ATP7A: variants seen among roughly 807,000 people sequenced by gnomAD.
ATP7A encodes copper-transporting ATPase 1.
In ATP7A, 7 loss-of-function variants were observed where a neutral mutation model predicts 83.5. The observed-to-expected ratio is 0.08, with a 90% CI of 0.05 to 0.16. ATP7A has a LOEUF of 0.16. Ranked by LOEUF, ATP7A falls within the 10% of genes least tolerant of loss-of-function variation. The probability of loss-of-function intolerance (pLI) is 1.00; values close to 1 mark genes in which losing one functional copy is unlikely to be tolerated. For synonymous variants in ATP7A, 354 were observed against 395.2 expected, an observed-to-expected ratio of 0.90 and a Z score of 1.24; for missense variants, 940 against 1,120.8, an observed-to-expected ratio of 0.84 and a Z score of 2.30.
Position 77,956,726 on chromosome X carries a change from C to CTCTTTCTTTCTTTCTTTCTTT in ATP7A, c.-21-14895_-21-14894insTCTTTCTTTCTTTCTTTCTTT, listed in dbSNP as rs1557227391. 7.2e-4 allele frequency among the ~76,000 whole-genome samples: 53 copies of CTCTTTCTTTCTTTCTTTCTTT among 73,776 alleles called. 1 individual carries two copies. Among genetic ancestry groups the CTCTTTCTTTCTTTCTTTCTTT allele is most frequent in the African/African-American group, 2.5e-3 (49 of 19,636 alleles). The allele number at this position is 73,776 out of a possible 115,157, so 64.1% of individuals were successfully genotyped here. On this transcript the variant is annotated intron_variant, in intron 1 of 22. Coordinates refer to ENST00000341514, the MANE Select transcript of ATP7A (RefSeq NM_000052.7). ...TTTTTCTTTATCAATTACCCAGTCT[C>CTCTTTCTTTCTTTCTTTCTTT]CTTTCTTTCTTTCTTTCTTTCTTTC...
rs1192702959 is a variant in ATP7A at position 77,996,889 on chromosome X, A to AT, written c.1337-1579dup. Among the ~76,000 whole-genome samples the AT allele has an allele frequency of 5.7e-3, 613 of 107,955 alleles. 7 individuals are homozygous for AT. Among genetic ancestry groups the AT allele is most frequent in the African/African-American group, 0.019 (576 of 29,843 alleles). 93.7% of individuals were successfully genotyped at this position (107,955 alleles called of 115,157 possible). On this transcript the variant is annotated intron_variant, in intron 4 of 22. Coordinates refer to ENST00000341514, the MANE Select transcript of ATP7A (RefSeq NM_000052.7). ...GGTGGTTTTATTCAAAACCAAAGTG[A>AT]TTTTTTTTTTGGCTACTCAGCCTCC...
At chrX:78,039,402 G>A (rs1162429615) in intron 18 of ATP7A, among the ~76,000 whole-genome samples, 2 of 110,620 alleles carry the variant, frequency 1.8e-5, no homozygotes, top group African/African-American at 6.6e-5. Context: ...GATGTGATTC[G>A]GCTCACTGCA....
At chrX:77,956,784 T>TTTCTTTCTTTC (rs1569549170) in intron 1 of ATP7A, among the ~76,000 whole-genome samples, 1 of 102,150 alleles carries the variant, frequency 9.8e-6, no homozygotes, top group South Asian at 4.4e-4. Flanking sequence ...TCTTTCTTTC[T>TTTCTTTCTTTC]TTCTCTTTCT....
chrX:78,043,910 G>T (rs1413574487), intron 21 of ATP7A, among the ~76,000 whole-genome samples: 1 of 105,191 alleles, frequency 9.5e-6, no homozygotes, highest in Non-Finnish European at 2.0e-5. Flanking sequence ...CACCCACCTC[G>T]GCCTCCCAAA....
At chrX:77,994,211 G>A (rs551817456) in intron 4 of ATP7A, among the ~76,000 whole-genome samples, 3 of 110,428 alleles carry the variant, frequency 2.7e-5, no homozygotes, top group African/African-American at 9.9e-5. Context: ...GATTACAGGC[G>A]CATGCCACCA....
At chrX:78,010,379 A>C (rs1251119727) in intron 7 of ATP7A, among the ~76,000 whole-genome samples, 2 of 111,783 alleles carry the variant, frequency 1.8e-5, no homozygotes, top group Non-Finnish European at 3.8e-5. Flanking sequence ...AGATGGCAGC[A>C]TTTCCCCTAG....
At chrX:78,014,104 T>A (rs956451385) in intron 10 of ATP7A, among the ~76,000 whole-genome samples, 9 of 111,309 alleles carry the variant, frequency 8.1e-5, no homozygotes, top group Admixed American at 2.9e-4. Context: ...ATAATACTTT[T>A]AAAATATTTT....
At chrX:78,009,054 T>C (rs1603384792) in intron 6 of ATP7A, 48 bp from the exon 7 acceptor site, 3 of 1,139,322 alleles carry the variant, frequency 2.6e-6, no homozygotes, top group East Asian at 6.1e-5. Flanking sequence ...TCATGTTTAA[T>C]GGTGGAAAAA....
At chrX:77,958,253 A>G (rs2077456064) in intron 1 of ATP7A, among the ~76,000 whole-genome samples, 2 of 111,152 alleles carry the variant, frequency 1.8e-5, no homozygotes, top group Non-Finnish European at 3.8e-5. Flanking sequence ...CAAGAAGCAA[A>G]TGCCAGCATC....
chrX:77,961,390 C>T (rs1557228068), intron 1 of ATP7A, among the ~76,000 whole-genome samples: 1 of 111,726 alleles, frequency 9.0e-6, no homozygotes, highest in African/African-American at 3.3e-5. Flanking sequence ...GGTAAACTAG[C>T]CTTCACCTAC....
intron 7 of ATP7A, among the ~76,000 whole-genome samples, chrX:78,010,091 A>T (rs181451026): frequency 1.4e-3 from 158 of 112,497 alleles, no homozygotes; most frequent in African/African-American, 4.9e-3. Flanking sequence ...TTAAGATCCT[A>T]TTTGTATAGA....
chrX:78,026,717 A>G (rs1201639140), intron 14 of ATP7A, among the ~76,000 whole-genome samples: 2 of 112,057 alleles, frequency 1.8e-5, no homozygotes, highest in South Asian at 3.7e-4. Context: ...TTAAAAAACA[A>G]CTAGATCAGA....
intron 4 of ATP7A, among the ~76,000 whole-genome samples, chrX:77,996,739 A>T (rs1557232588): frequency 9.1e-6 from 1 of 110,056 alleles, no homozygotes; most frequent in Non-Finnish European, 1.9e-5. Context: ...AAAATAACGA[A>T]ATTGCTCTGG....
Position 78,048,629 on chromosome X carries a change from A to C in ATP7A, c.*2059A>C, listed in dbSNP as rs1191745177. 1 of 112,102 alleles carries C rather than the reference A, an allele frequency of 8.9e-6. No individual in the cohort carries two copies. The highest frequency in any genetic ancestry group is 1.9e-5 in the Non-Finnish European group (1 of 53,125). 9.2% of individuals were successfully genotyped at this position (112,102 alleles called of 1,213,427 possible). A position where few individuals can be genotyped will look rare whatever the true frequency, so the allele number is the denominator to read the frequency against. On this transcript the variant is annotated 3_prime_UTR_variant, in exon 23 of 23. Coordinates refer to ENST00000341514, the MANE Select transcript of ATP7A (RefSeq NM_000052.7). ...AAGAGAGAACTGAAGCTTTTGATGA[A>C]GGTGCTATTAATCTAGAAAGGCAAA...
At chrX:78,015,681 TA>T in intron 11 of ATP7A, 72 bp from the exon 12 acceptor site, 1 of 1,178,534 alleles carries the variant, frequency 8.5e-7, no homozygotes, top group Non-Finnish European at 1.2e-6. Context: ...TGACGTGAAC[TA>T]AAGAGCTTAC....
chrX:77,950,829 C>T (rs2149060494), intron 1 of ATP7A, among the ~76,000 whole-genome samples: 1 of 110,666 alleles, frequency 9.0e-6, no homozygotes. Flanking sequence ...CGAGACCATC[C>T]TGGCCAACAT....
chrX:78,002,247 T>TA (rs2149089715), intron 5 of ATP7A, among the ~76,000 whole-genome samples: 1 of 105,587 alleles, frequency 9.5e-6, no homozygotes, highest in South Asian at 4.2e-4. Context: ...TTTTTGTATT[T>TA]TTTTTTTTTT....
chrX:77,981,147 T>A (rs983658618), intron 2 of ATP7A, among the ~76,000 whole-genome samples: 25 of 111,986 alleles, frequency 2.2e-4, no homozygotes, highest in Non-Finnish European at 3.9e-4. Context: ...TCTTTCTATA[T>A]GGGACTCTTT....
chrX:78,011,426 T>G (rs1411275544), intron 8 of ATP7A, 23 bp from the exon 9 acceptor site: 3 of 1,187,546 alleles, frequency 2.5e-6, no homozygotes, highest in Non-Finnish European at 3.4e-6. Context: ...ATGATTTTTC[T>G]TTTTTTATTT....
Sources: gnomAD v4.1 joint callset for allele counts (sites outside exome capture counted in the v4.1 genomes callset) on GRCh38, gnomAD v4.1.1 for gene constraint, MANE v1.5 for transcripts, NCBI Gene and HGNC (gene_info 2026-07-23, HGNC 2026-07-21) for gene names.